Variants in MAGI1 observed in about 807,000 individuals in gnomAD.
MAGI1 encodes membrane-associated guanylate kinase, WW and PDZ domain-containing protein 1.
MAGI1 carries 58 observed loss-of-function variants against 139.9 expected under a neutral mutation model. That is an observed-to-expected ratio of 0.41 (90% CI 0.34 to 0.52). The LOEUF is 0.52. MAGI1 is among the 20% of genes least tolerant of loss of function. MAGI1 has a pLI of 0.12. For missense variants in MAGI1, 1,874 were observed against 1,901.6 expected (o/e 0.99, Z 0.27); for synonymous variants, 812 against 737.9 (o/e 1.10, Z -1.63).
chr3:65,357,493 C>T (rs1181245537), intron 22 of MAGI1, among the ~76,000 whole-genome samples: 1 of 139,818 alleles, frequency 7.2e-6, no homozygotes, highest in African/African-American at 2.7e-5. Flanking sequence ...TCCTTTCCCA[C>T]CCCCCCAACC....
At chr3:65,958,562 G>A (rs2064248219) in intron 1 of MAGI1, among the ~76,000 whole-genome samples, 1 of 152,220 alleles carries the variant, frequency 6.6e-6, no homozygotes. Flanking sequence ...TGAGGTTAGT[G>A]TGGAATTAAA....
intron 8 of MAGI1, among the ~76,000 whole-genome samples, chr3:65,441,202 C>A (rs1484291880): frequency 6.6e-6 from 1 of 152,088 alleles, no homozygotes; most frequent in East Asian, 1.9e-4. Flanking sequence ...CTCAAGTGAT[C>A]CACCTGCTTT....
At chr3:65,839,349 G>A (rs1417813528) in intron 1 of MAGI1, among the ~76,000 whole-genome samples, 1 of 152,002 alleles carries the variant, frequency 6.6e-6, no homozygotes, top group African/African-American at 2.4e-5. Flanking sequence ...AAATGTTACA[G>A]TTAATGTATT....
At chr3:65,641,300 C>A (rs181457873) in intron 1 of MAGI1, among the ~76,000 whole-genome samples, 1 of 152,280 alleles carries the variant, frequency 6.6e-6, no homozygotes, top group East Asian at 1.9e-4. Flanking sequence ...ATGTTGTTAC[C>A]TCTAAGACAG....
At chr3:65,882,584 GAGAA>G (rs1327350203) in intron 1 of MAGI1, among the ~76,000 whole-genome samples, 1 of 152,110 alleles carries the variant, frequency 6.6e-6, no homozygotes, top group Non-Finnish European at 1.5e-5. Context: ...AGGCAAGAGA[GAGAA>G]AGAAAGGAAA....
intron 1 of MAGI1, among the ~76,000 whole-genome samples, chr3:65,870,206 A>T (rs1249877775): frequency 2.0e-5 from 3 of 152,140 alleles, no homozygotes; most frequent in Non-Finnish European, 2.9e-5. Context: ...AACTTAATTT[A>T]ATAGGCTGCC....
chr3:65,600,117 A>G (rs1419956639), intron 2 of MAGI1, among the ~76,000 whole-genome samples: 1 of 152,224 alleles, frequency 6.6e-6, no homozygotes, highest in East Asian at 1.9e-4. Flanking sequence ...GCCACAAGCT[A>G]ATGCTGAAAA....
intron 1 of MAGI1, among the ~76,000 whole-genome samples, chr3:65,900,840 T>C (rs1222970583): frequency 1.3e-5 from 2 of 152,188 alleles, no homozygotes; most frequent in African/African-American, 2.4e-5. Context: ...GTATTTACAA[T>C]CAGAACTAAG....
intron 2 of MAGI1, among the ~76,000 whole-genome samples, chr3:65,615,313 A>G (rs1353207975): frequency 6.6e-6 from 1 of 152,208 alleles, no homozygotes; most frequent in Non-Finnish European, 1.5e-5. Context: ...CTTCCCCGTG[A>G]GACCCACCCA....
chr3:65,432,088 A>C (rs538878567), intron 10 of MAGI1, among the ~76,000 whole-genome samples: 2 of 152,304 alleles, frequency 1.3e-5, no homozygotes, highest in Admixed American at 1.3e-4. Flanking sequence ...TTTTCTTGAT[A>C]CATTCACAAA....
intron 2 of MAGI1, among the ~76,000 whole-genome samples, chr3:65,535,578 C>T (rs1437744888): frequency 1.3e-5 from 2 of 152,146 alleles, no homozygotes; most frequent in African/African-American, 4.8e-5. Context: ...CAATGAACAC[C>T]GTACTCTTTC....
At chr3:65,753,148 T>A (rs902323065) in intron 1 of MAGI1, among the ~76,000 whole-genome samples, 9 of 152,118 alleles carry the variant, frequency 5.9e-5, no homozygotes, top group African/African-American at 1.9e-4. Flanking sequence ...GAGACCGAGA[T>A]GAGAAAATCT....
intron 12 of MAGI1, among the ~76,000 whole-genome samples, chr3:65,425,876 T>C (rs1165067667): frequency 1.3e-5 from 2 of 152,164 alleles, no homozygotes; most frequent in African/African-American, 2.4e-5. Context: ...AAAATCCTTA[T>C]GGGACAAGTT....
intron 1 of MAGI1, among the ~76,000 whole-genome samples, chr3:65,851,093 C>T (rs139760804): frequency 1.3e-5 from 2 of 151,738 alleles, no homozygotes; most frequent in African/African-American, 4.8e-5. Context: ...GGGACAAGAG[C>T]GAGACTTCAT....
chr3:65,631,026 G>C (rs2084269547), intron 1 of MAGI1, among the ~76,000 whole-genome samples: 1 of 152,234 alleles, frequency 6.6e-6, no homozygotes, highest in Non-Finnish European at 1.5e-5. Context: ...TTGCAGTTGT[G>C]TAGTGTGTAT....
chr3:65,768,711 C>T (rs1462982145), intron 1 of MAGI1, among the ~76,000 whole-genome samples: 7 of 152,138 alleles, frequency 4.6e-5, no homozygotes, highest in African/African-American at 1.7e-4. Context: ...CAGATTTTTC[C>T]AGTTGTGGTA....
chr3:65,400,515 A>T (rs1234277920), intron 13 of MAGI1, among the ~76,000 whole-genome samples: 1 of 152,046 alleles, frequency 6.6e-6, no homozygotes, highest in Non-Finnish European at 1.5e-5. Flanking sequence ...ACATGGAAAC[A>T]TCCCTCTTTA....
chr3:65,710,412 C>T (rs2107647258), intron 1 of MAGI1, among the ~76,000 whole-genome samples: 1 of 151,256 alleles, frequency 6.6e-6, no homozygotes, highest in South Asian at 2.1e-4. Context: ...TCCTGAGTAG[C>T]TGGGATTACA....
chr3:66,009,023 C>G (rs2067180998), intron 1 of MAGI1: 1 of 152,266 alleles, frequency 6.6e-6, no homozygotes, highest in Non-Finnish European at 1.5e-5. Context: ...TCCCTTCTAA[C>G]CCAGGGCCGT....
Sources: gnomAD v4.1 joint callset for allele counts (sites outside exome capture counted in the v4.1 genomes callset) on GRCh38, gnomAD v4.1.1 for gene constraint, MANE v1.5 for transcripts, NCBI Gene and HGNC (gene_info 2026-07-23, HGNC 2026-07-21) for gene names.